The following NINL variants were observed in gnomAD, a reference collection of about 807,000 sequenced individuals.
NINL encodes the protein ninein-like protein.
NINL carries 153 observed loss-of-function variants against 160.3 expected under a neutral mutation model. That is an observed-to-expected ratio of 0.95 (90% CI 0.84 to 1.09). NINL has a LOEUF of 1.09. Ranked by LOEUF, NINL falls within the 50% of genes least tolerant of loss-of-function variation. The probability of loss-of-function intolerance (pLI) is 0.00; values close to 1 mark genes in which losing one functional copy is unlikely to be tolerated. For missense variants in NINL, 1,829 were observed against 1,764.0 expected (o/e 1.04, Z -0.66); for synonymous variants, 800 against 734.8 (o/e 1.09, Z -1.43).
chr20:25,462,541 T>G lies in NINL; in HGVS notation c.3424A>C (p.Asn1142His), dbSNP rs151054093. Residue 1142 changes from asparagine to histidine, a missense_variant and splice_region_variant, in exon 20 of 24, where the codon AAT (asparagine) becomes CAT (histidine). Physicochemically the swap from Asn to His is moderately conservative, Grantham distance 68. Coordinates refer to ENST00000278886, the MANE Select transcript of NINL (RefSeq NM_025176.6). Reference sequence around the variant, plus strand: ...GATAATTGATCCTTGTAGTTCTGATTCTGGGGGAAAAAGTTTTTAAATACA... The same window carrying G: ...GATAATTGATCCTTGTAGTTCTGATGCTGGGGGAAAAAGTTTTTAAATACA... The part of the protein sequence containing the change: ...CSEMEVLNRQ[N>H]QNYKDQLSQL... 2.0e-3 allele frequency: 3,269 copies of G among 1,599,642 alleles called. 3 individuals are homozygous for G. The highest frequency in any genetic ancestry group is 2.3e-3 in the Non-Finnish European group (2,647 of 1,175,672).
intron 1 of NINL, among the ~76,000 whole-genome samples, chr20:25,569,085 G>A (rs181879590): frequency 1.3e-4 from 20 of 151,866 alleles, no homozygotes; most frequent in East Asian, 7.8e-4. Flanking sequence ...AATATTAGCC[G>A]GGCATGGTGA....
At chr20:25,473,182 G>A (rs2063146433) in intron 17 of NINL, among the ~76,000 whole-genome samples, 1 of 152,172 alleles carries the variant, frequency 6.6e-6, no homozygotes, top group Admixed American at 6.5e-5. Flanking sequence ...GTAAGAAGTG[G>A]TTACCCCGGG....
intron 5 of NINL, among the ~76,000 whole-genome samples, chr20:25,506,897 A>G (rs980198767): frequency 1.3e-5 from 2 of 152,138 alleles, no homozygotes; most frequent in Admixed American, 6.6e-5. Context: ...CTCTAGAAAA[A>G]ATATATATAT....
chr20:25,476,036 G>C lies in NINL; in HGVS notation c.3248+7C>G, dbSNP rs2063223308. Reference sequence around the variant, plus strand: ...TGTTTAGTTTTAAGAATGAGTAGAAGGCAAACCTGTCGTTCTCTCTCAAAT... The same window carrying C: ...TGTTTAGTTTTAAGAATGAGTAGAACGCAAACCTGTCGTTCTCTCTCAAAT... On this transcript the variant is annotated splice_region_variant and intron_variant, in intron 17 of 23. Coordinates refer to ENST00000278886, the MANE Select transcript of NINL (RefSeq NM_025176.6). The C allele has an allele frequency of 6.2e-7, 1 of 1,611,030 alleles. No homozygotes were observed.
intron 1 of NINL, among the ~76,000 whole-genome samples, chr20:25,571,009 T>C (rs531852379): frequency 1.3e-5 from 2 of 152,064 alleles, no homozygotes; most frequent in Admixed American, 1.3e-4. Context: ...CCTGGGCAAG[T>C]AGATGTTATT....
In NINL at chr20:25,495,782, T is replaced by G. The variant is rs529821711; in HGVS notation, c.1310+881A>C. On this transcript the variant is annotated intron_variant, in intron 10 of 23. Transcript: ENST00000278886. The stretch of plus-strand genomic sequence containing the variant: ...CTCCCTGCCTGAGCCTGGGACACCC[T>G]CTTGGGCGGAATTTCCTCAGATGTT... Among the ~76,000 whole-genome samples the G allele has an allele frequency of 2.0e-5, 3 of 152,276 alleles. No individual in the cohort carries two copies. In the South Asian group the frequency reaches 6.2e-4, roughly 32 times the overall value.
At chr20:25,578,319 G>T (rs894873597) in intron 1 of NINL, among the ~76,000 whole-genome samples, 3 of 151,714 alleles carry the variant, frequency 2.0e-5, no homozygotes, top group African/African-American at 7.3e-5. Context: ...TGTTGGTCAG[G>T]CTGGTCTCAA....
intron 1 of NINL, among the ~76,000 whole-genome samples, chr20:25,577,385 C>T (rs2065126620): frequency 1.3e-5 from 2 of 152,212 alleles, no homozygotes; most frequent in South Asian, 4.1e-4. Context: ...CCGAGCATGG[C>T]TGGAAGTCCC....
intron 1 of NINL, among the ~76,000 whole-genome samples, chr20:25,529,634 A>G (rs1231594786): frequency 6.6e-6 from 1 of 152,168 alleles, no homozygotes; most frequent in East Asian, 1.9e-4. Context: ...TAAATCGGAA[A>G]GCAAACTAAG....
At chr20:25,499,262 G>C in intron 8 of NINL, 4 of 983,100 alleles carry the variant, frequency 4.1e-6, no homozygotes, top group Non-Finnish European at 4.8e-6. Context: ...CACGTCACTG[G>C]ATGGCGTAGA....
At chr20:25,540,238 T>A (rs2064639580) in intron 1 of NINL, among the ~76,000 whole-genome samples, 2 of 152,336 alleles carry the variant, frequency 1.3e-5, no homozygotes, top group South Asian at 2.1e-4. Flanking sequence ...GAGTAGGCTC[T>A]CAATAATCCT....
chr20:25,469,906 A>G, intron 18 of NINL, 85 bp downstream of exon 18: 1 of 867,096 alleles, frequency 1.2e-6, no homozygotes. Context: ...AACACTTCCC[A>G]CTGTCTATAT....
At chr20:25,534,101 T>C (rs182850968) in intron 1 of NINL, among the ~76,000 whole-genome samples, 165 of 152,318 alleles carry the variant, frequency 1.1e-3, no homozygotes, top group African/African-American at 3.6e-3. Context: ...ACAGTCCTCC[T>C]GTGCCCAACT....
intron 11 of NINL, 30 bp downstream of exon 11, chr20:25,491,321 G>T (rs368070711): frequency 1.9e-6 from 3 of 1,582,614 alleles, no homozygotes; most frequent in Admixed American, 3.4e-5. Context: ...CACCCCCCCA[G>T]CTTCCTGGAT....
intron 19 of NINL, among the ~76,000 whole-genome samples, chr20:25,467,156 G>A (rs1361115773): frequency 5.3e-5 from 8 of 152,174 alleles, no homozygotes; most frequent in African/African-American, 9.7e-5. Flanking sequence ...CAACTACTGC[G>A]TGCCACATGA....
chr20:25,531,367 G>A (rs536561061), intron 1 of NINL, among the ~76,000 whole-genome samples: 2 of 152,138 alleles, frequency 1.3e-5, no homozygotes, highest in African/African-American at 2.4e-5. Flanking sequence ...CTCAGCTTAC[G>A]AAAATGATGA....
At chr20:25,550,323 G>A (rs539192344) in intron 1 of NINL, among the ~76,000 whole-genome samples, 4 of 152,232 alleles carry the variant, frequency 2.6e-5, no homozygotes, top group South Asian at 2.1e-4. Context: ...GTGGTGACCC[G>A]TGACTGTGCC....
At chr20:25,495,312 G>T (rs550679311) in intron 10 of NINL, among the ~76,000 whole-genome samples, 1 of 152,288 alleles carries the variant, frequency 6.6e-6, no homozygotes, top group East Asian at 1.9e-4. Context: ...GCTCACCCTG[G>T]GGACTCCGCA....
intron 1 of NINL, among the ~76,000 whole-genome samples, chr20:25,580,862 T>A (rs1271205323): frequency 6.6e-6 from 1 of 152,228 alleles, no homozygotes; most frequent in African/African-American, 2.4e-5. Context: ...GGGCCTGAAT[T>A]CCTAATCTGC....
Sources: gnomAD v4.1 joint callset for allele counts (sites outside exome capture counted in the v4.1 genomes callset) on GRCh38, gnomAD v4.1.1 for gene constraint, MANE v1.5 for transcripts, NCBI Gene and HGNC (gene_info 2026-07-23, HGNC 2026-07-21) for gene names.